DPP6: variants seen among roughly 807,000 people sequenced by gnomAD.
DPP6 encodes dipeptidyl peptidase like 6, also known as A-type potassium channel modulatory protein DPP6.
In DPP6, 69 loss-of-function variants were observed where a neutral mutation model predicts 122.6. The ratio of observed to expected loss-of-function variants is 0.56; its 90% CI spans 0.46 to 0.69. DPP6 has a LOEUF of 0.69. Ranked by LOEUF, DPP6 falls within the 30% of genes least tolerant of loss-of-function variation. DPP6 has a pLI of 0.00. For missense variants in DPP6, 928 were observed against 1,116.9 expected, an observed-to-expected ratio of 0.83 and a Z score of 2.41; for synonymous variants, 418 against 433.1, an observed-to-expected ratio of 0.97 and a Z score of 0.43.
intron 16 of DPP6, among the ~76,000 whole-genome samples, chr7:154,826,729 G>A (rs191148322): frequency 1.3e-5 from 2 of 152,294 alleles, no homozygotes; most frequent in Admixed American, 1.3e-4. Flanking sequence ...AGGAAATGTG[G>A]GACCAAAGAG....
Position 154,357,946 on chromosome 7 carries a change from C to CAAAA in DPP6, c.244-88257_244-88254dup, listed in dbSNP as rs563436108. On this transcript the variant is annotated intron_variant, in intron 1 of 25. Coordinates refer to ENST00000377770, the MANE Select transcript of DPP6 (RefSeq NM_130797.4). ...GACAAGACAATGTGAAACTTCGTCT[C>CAAAA]AAAAAAAAAAAAAAGAAAAGAAAAG... Among the ~76,000 whole-genome samples, 8 of 124,028 alleles carry CAAAA rather than the reference C, an allele frequency of 6.5e-5. No homozygotes were observed. The East Asian group carries it at 7.3e-4, about 11-fold the overall frequency. The allele number at this position is 124,028 out of a possible 152,430, so 81.4% of individuals were successfully genotyped here.
chr7:154,808,489 T>C (rs1420198402), intron 16 of DPP6, among the ~76,000 whole-genome samples: 2 of 152,122 alleles, frequency 1.3e-5, no homozygotes, highest in African/African-American at 4.8e-5. Flanking sequence ...GGCCACCAAG[T>C]ATCTGAAATC....
intron 1 of DPP6, among the ~76,000 whole-genome samples, chr7:154,205,429 C>A (rs1189161293): frequency 1.3e-5 from 2 of 152,202 alleles, no homozygotes; most frequent in Non-Finnish European, 2.9e-5. Flanking sequence ...ATAAATGGAG[C>A]CATAGGTGTG....
At chr7:154,729,202 G>A (rs1411170761) in intron 8 of DPP6, among the ~76,000 whole-genome samples, 1 of 152,154 alleles carries the variant, frequency 6.6e-6, no homozygotes, top group Non-Finnish European at 1.5e-5. Flanking sequence ...AACAACCCAA[G>A]CTCTTCTCAG....
chr7:154,354,731 A>G (rs1421301437), intron 1 of DPP6, among the ~76,000 whole-genome samples: 1 of 152,148 alleles, frequency 6.6e-6, no homozygotes, highest in Non-Finnish European at 1.5e-5. Context: ...CACTCTTCGC[A>G]TTTCTGTAAA....
At chr7:154,251,065 T>G (rs1351051056) in intron 1 of DPP6, among the ~76,000 whole-genome samples, 1 of 152,228 alleles carries the variant, frequency 6.6e-6, no homozygotes, top group Non-Finnish European at 1.5e-5. Flanking sequence ...ACAAAGTATT[T>G]TGCAGAGCAA....
At chr7:154,234,464 C>T (rs572757546) in intron 1 of DPP6, among the ~76,000 whole-genome samples, 3 of 152,300 alleles carry the variant, frequency 2.0e-5, no homozygotes, top group Admixed American at 1.3e-4. Flanking sequence ...ACATCTCCTT[C>T]AGGACCCCAA....
intron 1 of DPP6, among the ~76,000 whole-genome samples, chr7:154,267,597 A>G (rs1466348440): frequency 1.3e-5 from 2 of 151,216 alleles, no homozygotes; most frequent in Non-Finnish European, 3.0e-5. Context: ...ATACATATAT[A>G]TGTGCATGTA....
chr7:154,297,484 A>G (rs916412623), intron 1 of DPP6, among the ~76,000 whole-genome samples: 62 of 152,228 alleles, frequency 4.1e-4, no homozygotes, highest in African/African-American at 1.1e-3. Flanking sequence ...TAGGTCCAAT[A>G]AGGCAAACCA....
chr7:154,094,225 G>A (rs543553135), intron 1 of DPP6: 2 of 152,296 alleles, frequency 1.3e-5, no homozygotes, highest in South Asian at 4.1e-4. Flanking sequence ...TTCCCGGGAT[G>A]CTTTGCGATA....
chr7:154,236,416 T>C (rs1232020712), intron 1 of DPP6, among the ~76,000 whole-genome samples: 1 of 152,154 alleles, frequency 6.6e-6, no homozygotes, highest in Non-Finnish European at 1.5e-5. Context: ...GCCAGAAAGC[T>C]CAGGTAAACA....
At chr7:154,172,645 G>GGATGGACA (rs1184381027) in intron 1 of DPP6, among the ~76,000 whole-genome samples, 3 of 71,784 alleles carry the variant, frequency 4.2e-5, no homozygotes, top group Admixed American at 1.3e-4. Context: ...CTGTGACCCA[G>GGATGGACA]GATGGACTGC....
intron 3 of DPP6, among the ~76,000 whole-genome samples, chr7:154,526,843 G>A (rs1827445486): frequency 6.6e-6 from 1 of 152,206 alleles, no homozygotes; most frequent in African/African-American, 2.4e-5. Context: ...GCTGCTGTGA[G>A]TTCATAGGCT....
intron 1 of DPP6, among the ~76,000 whole-genome samples, chr7:154,000,102 A>G (rs2129045426): frequency 6.6e-6 from 1 of 151,810 alleles, no homozygotes; most frequent in African/African-American, 2.4e-5. Flanking sequence ...GTCTGGATGA[A>G]GAATGAATAG....
At chr7:154,453,113 G>A (rs761194026) in intron 2 of DPP6, among the ~76,000 whole-genome samples, 7 of 152,210 alleles carry the variant, frequency 4.6e-5, no homozygotes, top group South Asian at 4.2e-4. Flanking sequence ...GACCTTCTCC[G>A]GTGCCACAAT....
chr7:154,849,364 TTA>T (rs992883752), intron 16 of DPP6, among the ~76,000 whole-genome samples: 47 of 152,352 alleles, frequency 3.1e-4, no homozygotes, highest in African/African-American at 1.1e-3. Context: ...TCATCAATTT[TTA>T]TAGTATTCAG....
intron 1 of DPP6, among the ~76,000 whole-genome samples, chr7:153,895,451 C>T (rs1412641386): frequency 1.3e-5 from 2 of 152,236 alleles, no homozygotes; most frequent in Admixed American, 1.3e-4. Flanking sequence ...GTCTCCTCAA[C>T]ATTGCTCTTA....
At chr7:154,699,336 CAGTCA>C (rs1840388754) in intron 7 of DPP6, among the ~76,000 whole-genome samples, 2 of 152,206 alleles carry the variant, frequency 1.3e-5, no homozygotes, top group African/African-American at 4.8e-5. Context: ...CACTTCTTTG[CAGTCA>C]GAGGGTGACT....
At chr7:153,958,074 G>A (rs1296958774) in intron 1 of DPP6, among the ~76,000 whole-genome samples, 1 of 152,128 alleles carries the variant, frequency 6.6e-6, no homozygotes, top group Non-Finnish European at 1.5e-5. Context: ...TAAGGCAGGA[G>A]AATCGCTTGA....
Sources: allele counts gnomAD v4.1 joint callset (sites outside exome capture counted in the v4.1 genomes callset), GRCh38; gene constraint gnomAD v4.1.1; transcripts MANE v1.5; gene names NCBI Gene and HGNC (gene_info 2026-07-23, HGNC 2026-07-21).